The following MYL2 variants were observed in gnomAD, a reference collection of about 807,000 sequenced individuals.
MYL2 encodes myosin light chain 2, also known as myosin regulatory light chain 2, ventricular/cardiac muscle isoform.
In MYL2, 19 loss-of-function variants were observed where a neutral mutation model predicts 23.0. The ratio of observed to expected loss-of-function variants is 0.83; its 90% confidence interval spans 0.58 to 1.21. The LOEUF is 1.21. Ranked by LOEUF, MYL2 falls within the 50% of genes most tolerant of loss-of-function variation. The probability of loss-of-function intolerance (pLI) is 0.00; values close to 1 mark genes in which losing one functional copy is unlikely to be tolerated. For missense variants in MYL2, 180 were observed against 215.1 expected (o/e 0.84, Z 1.02); for synonymous variants, 78 against 76.2 (o/e 1.02, Z -0.13).
At chr12:110,913,011 T>G in intron 6 of MYL2, 85 bp downstream of exon 6, 1 of 1,426,914 alleles carries the variant, frequency 7.0e-7, no homozygotes, top group Admixed American at 1.7e-5. Context: ...GGGTCAGGGG[T>G]GCTTTAGACG....
At chr12:110,912,512 C>T (rs994270205) in intron 6 of MYL2, among the ~76,000 whole-genome samples, 21 of 152,236 alleles carry the variant, frequency 1.4e-4, no homozygotes, top group African/African-American at 5.1e-4. Flanking sequence ...CCTGCAGTCA[C>T]GCAGACCTAG....
upstream of MYL2, among the ~76,000 whole-genome samples, chr12:110,921,209 A>G (rs2071725120): frequency 6.6e-6 from 1 of 152,220 alleles, no homozygotes; most frequent in African/African-American, 2.4e-5. Context: ...AAAAGAAAAA[A>G]AAATAGCTGT....
At chr12:110,920,051 C>G (rs1282356012) in intron 1 of MYL2, among the ~76,000 whole-genome samples, 1 of 152,218 alleles carries the variant, frequency 6.6e-6, no homozygotes, top group Non-Finnish European at 1.5e-5. Flanking sequence ...TCTAACCACT[C>G]TCCCTCCTGT....
chr12:110,915,154 C>T lies in MYL2; in HGVS notation c.169+561G>A, dbSNP rs76794936. Among the ~76,000 whole-genome samples, 410 of 152,284 alleles carry T rather than the reference C, an allele frequency of 2.7e-3. 1 individual carries two copies. The highest frequency in any genetic ancestry group is 9.2e-3 in the African/African-American group (384 of 41,570). On this transcript the variant is annotated intron_variant, in intron 3 of 6. Transcript: ENST00000228841. ...TACTTCCCTGTAGAATTGTGCAGTG[C>T]GCAGTCTGCACAGCTGTGTATGGTT... is the stretch of plus-strand genomic sequence containing the variant.
rs1196453041 is a variant in MYL2 at position 110,920,564 on chromosome 12, A to G, written c.-35T>C. The G allele has an allele frequency of 6.2e-7, 1 of 1,614,004 alleles. No individual in the cohort carries two copies. The highest frequency in any genetic ancestry group is 8.5e-7 in the Non-Finnish European group (1 of 1,180,036). ...GACCCAGCACTGCCTCCCGAGAAGA[A>G]TTCCACACTCCGCCCAGCTCTCTGC... On this transcript the variant is annotated 5_prime_UTR_variant, in exon 1 of 7. Transcript: ENST00000228841.
rs190757707 is a variant in MYL2, at chr12:110,918,544, C to T, written c.93+560G>A. 3.4e-4 allele frequency among the ~76,000 whole-genome samples: 52 copies of T among 152,086 alleles called. No individual in the cohort carries two copies. Among genetic ancestry groups the T allele is most frequent in the Non-Finnish European group, 5.9e-4 (40 of 67,992 alleles). ...GTTGTTGTTTTAAGTTCCTTTGACC[C>T]AGCAGTTCTGCTTTTAGGAATTTAC... On this transcript the variant is annotated intron_variant, in intron 2 of 6. Coordinates refer to ENST00000228841, the MANE Select transcript of MYL2 (RefSeq NM_000432.4). This position sits in a 1 kb window ranked among gnomAD's most constrained non-coding sequence, Gnocchi z 4.4.
intron 3 of MYL2, 110 bp downstream of exon 3, chr12:110,915,605 G>T: frequency 1.7e-6 from 2 of 1,150,664 alleles, no homozygotes; most frequent in Non-Finnish European, 1.3e-6. Context: ...TGGCAGAGTT[G>T]TTTCTTTGGG....
At position 110,911,084 on chromosome 12, in the gene MYL2, T is replaced by C; in HGVS notation, c.494A>G (p.Lys165Arg). Residue 165 changes from lysine (K) to arginine (R), a missense_variant, in exon 7 of 7, where the codon AAG (lysine) becomes AGG (arginine). Transcript: ENST00000228841. Reference sequence around the variant, plus strand: ...GCAGCAGCGAGCCCCCTCCTAGTCCTTCTCTTCTCCGTGGGTGATGATGTG... The same window carrying C: ...GCAGCAGCGAGCCCCCTCCTAGTCCCTCTCTTCTCCGTGGGTGATGATGTG... ...LVHIITHGEE[K>R]D 6.2e-7 allele frequency: 1 copy of C among 1,613,970 alleles called. No individual in the cohort carries two copies. The highest frequency in any genetic ancestry group is 1.1e-5 in the South Asian group (1 of 91,072).
At position 110,914,280 on chromosome 12, in the gene MYL2, G is replaced by C. The variant is rs1047009853; in HGVS notation, c.180C>G (p.Asn60Lys). ...RDTFAALGRV[N>K]VKNEEIDEMI... ...TTTCATCAATTTCTTCATTTTTCAC[G>C]TTCACTCGCCCTAGGGTAGGAAACA... The change falls in exon 4 of 7, where the codon AAC becomes AAG. Residue 60 changes from asparagine to lysine, a missense_variant. Asn to Lys is a moderately conservative substitution (Grantham distance 94). Transcript: ENST00000228841. 1 of 1,613,250 alleles carries C rather than the reference G, an allele frequency of 6.2e-7. No homozygotes were observed. Among genetic ancestry groups the C allele is most frequent in the Non-Finnish European group, 8.5e-7 (1 of 1,179,602 alleles).
chr12:110,914,436 G>T, intron 3 of MYL2, 146 bp from the exon 4 acceptor site: 1 of 699,736 alleles, frequency 1.4e-6, no homozygotes. Context: ...GATCTTTTCT[G>T]AGAAGATGTT....
upstream of MYL2, chr12:110,920,815 G>A (rs1375174350): frequency 1.0e-5 from 6 of 571,800 alleles, no homozygotes; most frequent in South Asian, 6.2e-5. Flanking sequence ...GATGCTGCGC[G>A]CTCTCTGCGG....
At chr12:110,916,897 G>A (rs2071691009) in intron 2 of MYL2, among the ~76,000 whole-genome samples, 2 of 152,048 alleles carry the variant, frequency 1.3e-5, no homozygotes, top group Non-Finnish European at 2.9e-5. Context: ...CACCCAGGCC[G>A]CAGTGCAGTG....
At chr12:110,913,384 G>A (rs1439393903) in intron 4 of MYL2, 60 bp from the exon 5 acceptor site, 15 of 1,573,624 alleles carry the variant, frequency 9.5e-6, no homozygotes, top group Non-Finnish European at 1.1e-5. Flanking sequence ...TGGCACCCCA[G>A]GCAGCAGGGC....
chr12:110,920,297 C>T (rs2071712956), intron 1 of MYL2, among the ~76,000 whole-genome samples: 2 of 129,150 alleles, frequency 1.5e-5, no homozygotes, highest in Non-Finnish European at 3.4e-5. Context: ...CATAAAAAAG[C>T]CAACTCTCTT....
chr12:110,917,010 C>T (rs2071691920), intron 2 of MYL2, among the ~76,000 whole-genome samples: 1 of 151,886 alleles, frequency 6.6e-6, no homozygotes, highest in Non-Finnish European at 1.5e-5. Flanking sequence ...CACCAATGCC[C>T]AGCTTATTTT....
upstream of MYL2, chr12:110,920,814 C>T (rs192426434): frequency 7.1e-4 from 406 of 574,788 alleles, no homozygotes; most frequent in Non-Finnish European, 2.7e-4. Flanking sequence ...AGATGCTGCG[C>T]GCTCTCTGCG....
intron 1 of MYL2, 80 bp downstream of exon 1, chr12:110,920,447 T>A: frequency 6.2e-7 from 1 of 1,607,478 alleles, no homozygotes; most frequent in Non-Finnish European, 8.5e-7. Context: ...TTCCTCCCCC[T>A]CCGCCGTGGT....
At chr12:110,915,177 G>C (rs1490391181) in intron 3 of MYL2, among the ~76,000 whole-genome samples, 1 of 152,220 alleles carries the variant, frequency 6.6e-6, no homozygotes, top group African/African-American at 2.4e-5. Flanking sequence ...GCTGTGTATG[G>C]TTGCCCTGAG....
At position 110,910,993 on chromosome 12, in the gene MYL2, G is replaced by A. The variant is rs867853414; in HGVS notation, c.*84C>T. The A allele has an allele frequency of 2.4e-6, 3 of 1,236,510 alleles. No homozygotes were observed. The highest frequency in any genetic ancestry group is 1.2e-5 in the South Asian group (1 of 83,396). The allele number at this position is 1,236,510 out of a possible 1,614,324, so 76.6% of individuals were successfully genotyped here. A position where few individuals can be genotyped will look rare whatever the true frequency, so the allele number is the denominator to read the frequency against. Reference sequence around the variant, plus strand: ...CCACATGGCTAACAGACAAGGTAGGGACAGAGGCGGTACTCGGGGGAGAGA... The same window carrying A: ...CCACATGGCTAACAGACAAGGTAGGAACAGAGGCGGTACTCGGGGGAGAGA... On this transcript the variant is annotated 3_prime_UTR_variant, in exon 7 of 7. Transcript: ENST00000228841.
Sources: allele counts gnomAD v4.1 joint callset (sites outside exome capture counted in the v4.1 genomes callset), GRCh38; gene constraint gnomAD v4.1.1; non-coding constraint Gnocchi (gnomAD v3.1); transcripts MANE v1.5; gene names NCBI Gene and HGNC (gene_info 2026-07-23, HGNC 2026-07-21).